The following MED27 variants were observed in gnomAD, a reference collection of about 807,000 sequenced individuals.
The protein encoded by MED27 is mediator complex subunit 27, also known as mediator of RNA polymerase II transcription subunit 27.
A neutral mutation model predicts 38.2 loss-of-function variants in MED27; 30 were observed. That is an observed-to-expected ratio of 0.79 (90% CI 0.59 to 1.07). The LOEUF is 1.07. Ranked by LOEUF, MED27 falls within the 50% of genes least tolerant of loss-of-function variation. The pLI is 0.00. For missense variants in MED27, 289 were observed against 397.5 expected (o/e 0.73, Z 2.32); for synonymous variants, 122 against 153.5 (o/e 0.79, Z 1.52).
At chr9:132,014,274 A>G in intron 3 of MED27, 63 bp downstream of exon 3, 12 of 1,513,892 alleles carry the variant, frequency 7.9e-6, no homozygotes, top group African/African-American at 1.4e-5. Flanking sequence ...CACTACCCAA[A>G]AACAAGTATA....
At chr9:131,955,003 A>G (rs1213323533) in intron 3 of MED27, among the ~76,000 whole-genome samples, 4 of 152,072 alleles carry the variant, frequency 2.6e-5, no homozygotes, top group Admixed American at 2.0e-4. Flanking sequence ...ATCCCAAAAC[A>G]GTAGAAGGTA....
chr9:132,004,656 A>G (rs943718946), intron 3 of MED27, among the ~76,000 whole-genome samples: 1 of 152,162 alleles, frequency 6.6e-6, no homozygotes, highest in African/African-American at 2.4e-5. Context: ...CTGGGGACAG[A>G]CCTGCAGCTA....
intron 3 of MED27, among the ~76,000 whole-genome samples, chr9:131,980,014 T>C (rs1269810802): frequency 6.6e-6 from 1 of 152,236 alleles, no homozygotes. Context: ...TTTCTTTAAA[T>C]GGCTTTTGGT....
chr9:132,057,241 GT>G (rs1833599685), intron 2 of MED27, among the ~76,000 whole-genome samples: 1 of 152,210 alleles, frequency 6.6e-6, no homozygotes, highest in Non-Finnish European at 1.5e-5. Flanking sequence ...ATGATCTACA[GT>G]GCTTGGCCAT....
intron 3 of MED27, among the ~76,000 whole-genome samples, chr9:131,956,381 C>G (rs1831099657): frequency 6.6e-6 from 1 of 152,062 alleles, no homozygotes; most frequent in South Asian, 2.1e-4. Flanking sequence ...TTCGGGAGGC[C>G]GAGGCGGGCA....
In MED27 at chr9:131,941,152, A is replaced by G. The variant is rs201935141; in HGVS notation, c.480-1678T>C. Among the ~76,000 whole-genome samples the G allele has an allele frequency of 5.3e-5, 8 of 152,342 alleles. No individual in the cohort carries two copies. In the South Asian group the frequency reaches 1.2e-3, roughly 24 times the overall value. On this transcript the variant is annotated intron_variant, in intron 3 of 7. Transcript: ENST00000292035. ...AAGAATTTGTGTTCACCATCCAATT[A>G]CACTGGACACAAAGAGGATGTATAA...
chr9:131,939,482 G>T lies in MED27; in HGVS notation c.480-8C>A. On this transcript the variant is annotated splice_region_variant and splice_polypyrimidine_tract_variant and intron_variant, in intron 3 of 7. Coordinates refer to ENST00000292035, the MANE Select transcript of MED27 (RefSeq NM_004269.4). The stretch of plus-strand genomic sequence containing the variant: ...ATCACATCATCAACATATCTACATG[G>T]GAAAAAAATAAACATGTGTGAACTA... 1 of 1,581,396 alleles carries T rather than the reference G, an allele frequency of 6.3e-7. No individual in the cohort carries two copies. The highest frequency in any genetic ancestry group is 8.6e-7 in the Non-Finnish European group (1 of 1,162,066).
chr9:131,869,097 G>A (rs1286468273), intron 6 of MED27: 1 of 985,270 alleles, frequency 1.0e-6, no homozygotes, highest in Non-Finnish European at 1.2e-6. Context: ...GCTTTTTCCA[G>A]CGCTGATGCA....
intron 1 of MED27, 41 bp downstream of exon 1, chr9:132,079,601 G>T: frequency 6.3e-7 from 1 of 1,599,454 alleles, no homozygotes; most frequent in Non-Finnish European, 8.6e-7. Context: ...GGGTCGGAGC[G>T]GGGCCGGTCC....
intron 3 of MED27, among the ~76,000 whole-genome samples, chr9:132,002,315 C>T (rs1383281602): frequency 6.6e-6 from 1 of 152,186 alleles, no homozygotes; most frequent in Non-Finnish European, 1.5e-5. Context: ...ACAGGTTTTT[C>T]ATGTTATTAT....
At chr9:131,906,292 G>C (rs1248442393) in intron 4 of MED27, among the ~76,000 whole-genome samples, 1 of 152,198 alleles carries the variant, frequency 6.6e-6, no homozygotes. Context: ...TATTTGGTCC[G>C]TATGGGGCTG....
At position 131,973,997 on chromosome 9, in the gene MED27, G is replaced by A. The variant is rs555025871; in HGVS notation, c.480-34523C>T. ...CAAAGTGCTGGGATTACAGGCGTGA[G>A]CCACCGTGCCCGGCCTACTGGATTC... On this transcript the variant is annotated intron_variant, in intron 3 of 7. Transcript: ENST00000292035. Among the ~76,000 whole-genome samples, 6 of 152,150 alleles carry A rather than the reference G, an allele frequency of 3.9e-5. No individual in the cohort carries two copies. The East Asian group carries it at 1.2e-3, about 29-fold the overall frequency.
chr9:132,001,092 C>T (rs1275257176), intron 3 of MED27, among the ~76,000 whole-genome samples: 1 of 151,734 alleles, frequency 6.6e-6, no homozygotes, highest in Non-Finnish European at 1.5e-5. Flanking sequence ...AAAGCAACAT[C>T]CTGCCTCAAA....
At chr9:132,076,083 A>G (rs571653701) in intron 2 of MED27, among the ~76,000 whole-genome samples, 2 of 152,286 alleles carry the variant, frequency 1.3e-5, no homozygotes, top group South Asian at 2.1e-4. Flanking sequence ...GTATATCCAC[A>G]GCTGCTGAGT....
chr9:131,924,803 A>G (rs1473782017), intron 4 of MED27, among the ~76,000 whole-genome samples: 4 of 152,152 alleles, frequency 2.6e-5, no homozygotes, highest in Non-Finnish European at 5.9e-5. Flanking sequence ...CCTTTAATGC[A>G]TACCTATTTT....
At chr9:131,980,074 T>C (rs748961499) in intron 3 of MED27, among the ~76,000 whole-genome samples, 11 of 152,134 alleles carry the variant, frequency 7.2e-5, no homozygotes, top group African/African-American at 2.4e-4. Context: ...AAATTGTTAT[T>C]TCTTGGGGGA....
chr9:132,036,729 A>G (rs1459814176), intron 2 of MED27, among the ~76,000 whole-genome samples: 2 of 152,228 alleles, frequency 1.3e-5, no homozygotes, highest in Non-Finnish European at 2.9e-5. Context: ...TTACAGAAAC[A>G]TGACTCAGTC....
intron 2 of MED27, among the ~76,000 whole-genome samples, chr9:132,044,286 T>C (rs1833284016): frequency 6.6e-6 from 1 of 152,208 alleles, no homozygotes; most frequent in African/African-American, 2.4e-5. Context: ...CAATAATGCA[T>C]ACGTCATGGA....
chr9:132,017,883 C>T (rs57673657), intron 2 of MED27, among the ~76,000 whole-genome samples: 2 of 152,098 alleles, frequency 1.3e-5, no homozygotes, highest in East Asian at 1.9e-4. Flanking sequence ...TGAGGAAAGA[C>T]CAATTAAAAT....
Sources: allele counts gnomAD v4.1 joint callset (sites outside exome capture counted in the v4.1 genomes callset), GRCh38; gene constraint gnomAD v4.1.1; transcripts MANE v1.5; gene names NCBI Gene and HGNC (gene_info 2026-07-23, HGNC 2026-07-21).